Variants in SNX8 observed in about 807,000 individuals in gnomAD.
The protein encoded by SNX8 is sorting nexin 8.
Under a neutral mutation model 51.6 loss-of-function variants are expected in SNX8, and 25 were observed. The observed-to-expected ratio is 0.48, with a 90% CI of 0.35 to 0.68. The LOEUF is 0.68. Among genes scored for constraint, SNX8 ranks in the 30% least tolerant of loss-of-function variants. The pLI is 0.00. For synonymous variants in SNX8, 324 were observed against 277.0 expected (o/e 1.17, Z -1.68); for missense variants, 695 against 624.0 (o/e 1.11, Z -1.21).
intron 4 of SNX8, among the ~76,000 whole-genome samples, chr7:2,270,748 T>C (rs1461222665): frequency 6.6e-6 from 1 of 152,118 alleles, no homozygotes; most frequent in Non-Finnish European, 1.5e-5. Flanking sequence ...GGAAGGCCCC[T>C]CTGCCTCCGA....
At chr7:2,266,951 C>T (rs1795477909) in intron 5 of SNX8, among the ~76,000 whole-genome samples, 1 of 152,230 alleles carries the variant, frequency 6.6e-6, no homozygotes, top group Non-Finnish European at 1.5e-5. Flanking sequence ...CCCCAGAAAT[C>T]TGAAAAGGTG....
intron 1 of SNX8, among the ~76,000 whole-genome samples, chr7:2,352,376 G>A (rs1027201530): frequency 6.6e-6 from 1 of 152,026 alleles, no homozygotes; most frequent in African/African-American, 2.4e-5. Flanking sequence ...GGTCAATTAG[G>A]TTGGAAAATA....
intron 5 of SNX8, among the ~76,000 whole-genome samples, chr7:2,268,976 C>T (rs1795569997): frequency 7.2e-6 from 1 of 138,828 alleles, no homozygotes; most frequent in Non-Finnish European, 1.6e-5. Context: ...CCGGCCACCC[C>T]TACTGGGAAG....
chr7:2,346,517 GT>G, intron 1 of SNX8, among the ~76,000 whole-genome samples: 1 of 151,582 alleles, frequency 6.6e-6, no homozygotes, highest in African/African-American at 2.4e-5. Context: ...GGAGGCCGAG[GT>G]GGGAGGATCA....
intron 1 of SNX8, among the ~76,000 whole-genome samples, chr7:2,332,923 G>A (rs757562893): frequency 2.1e-5 from 3 of 142,076 alleles, no homozygotes; most frequent in Non-Finnish European, 3.2e-5. Context: ...AAAGAAAGGA[G>A]AGAGAGAGGG....
intron 1 of SNX8, among the ~76,000 whole-genome samples, chr7:2,297,305 C>T (rs1562444638): frequency 1.3e-5 from 2 of 151,744 alleles, no homozygotes; most frequent in Non-Finnish European, 2.9e-5. Context: ...AATCCCAGCA[C>T]TTTGGGAGGC....
chr7:2,345,053 T>C (rs949361699), intron 1 of SNX8, among the ~76,000 whole-genome samples: 3 of 152,184 alleles, frequency 2.0e-5, no homozygotes, highest in African/African-American at 7.2e-5. Context: ...AACTTGTTAA[T>C]GTCTAATAAA....
At chr7:2,300,285 G>A (rs1300119221) in intron 1 of SNX8, among the ~76,000 whole-genome samples, 1 of 152,194 alleles carries the variant, frequency 6.6e-6, no homozygotes, top group Non-Finnish European at 1.5e-5. Context: ...CAAAATTCAA[G>A]AAGTGATTTG....
At chr7:2,264,597 G>C in intron 5 of SNX8, 139 bp from the exon 6 acceptor site, 1 of 667,792 alleles carries the variant, frequency 1.5e-6, no homozygotes, top group Non-Finnish European at 2.5e-6. Flanking sequence ...CACTCCTCCA[G>C]GCCTGCAGGG....
At chr7:2,285,567 G>A (rs1796008980) in intron 1 of SNX8, among the ~76,000 whole-genome samples, 2 of 152,172 alleles carry the variant, frequency 1.3e-5, no homozygotes, top group Non-Finnish European at 2.9e-5. Context: ...AAATAGAGAT[G>A]CTTCTGTTAC....
intron 1 of SNX8, among the ~76,000 whole-genome samples, chr7:2,347,494 A>AAAG (rs1562465794): frequency 1.7e-5 from 2 of 116,398 alleles, no homozygotes; most frequent in Admixed American, 9.3e-5. Context: ...AAAAAAAAAA[A>AAAG]AAAAAGAAAA....
intron 1 of SNX8, among the ~76,000 whole-genome samples, chr7:2,324,676 A>C (rs968498303): frequency 1.3e-5 from 2 of 152,224 alleles, no homozygotes; most frequent in Non-Finnish European, 2.9e-5. Flanking sequence ...CAGGCAACCA[A>C]GACCAGAAAA....
intron 2 of SNX8, among the ~76,000 whole-genome samples, chr7:2,276,230 C>T (rs893143398): frequency 5.3e-5 from 8 of 152,274 alleles, no homozygotes; most frequent in African/African-American, 1.9e-4. Context: ...GTTGCCTCAC[C>T]CCCAGGCTGC....
In SNX8 at chr7:2,309,765, G is replaced by A. The variant is rs571238393; in HGVS notation, c.94+4563C>T. 952 of 466,350 alleles carry A rather than the reference G, an allele frequency of 2.0e-3. 10 individuals carry two copies. The highest frequency in any genetic ancestry group is 0.013 in the South Asian group (850 of 63,158). 28.9% of individuals were successfully genotyped at this position (466,350 alleles called of 1,614,324 possible). A position where few individuals can be genotyped will look rare whatever the true frequency, so the allele number is the denominator to read the frequency against. On this transcript the variant is annotated intron_variant, in intron 1 of 10. Coordinates refer to ENST00000222990, the MANE Select transcript of SNX8 (RefSeq NM_013321.4). Reference sequence around the variant, plus strand: ...AAAAGTATAAACTTTAAGTGACAGCGCAATGAATTCTGACCAACGTATTCA... The same window carrying A: ...AAAAGTATAAACTTTAAGTGACAGCACAATGAATTCTGACCAACGTATTCA...
chr7:2,304,460 C>T (rs908048818), intron 1 of SNX8, among the ~76,000 whole-genome samples: 1 of 151,824 alleles, frequency 6.6e-6, no homozygotes, highest in Non-Finnish European at 1.5e-5. Flanking sequence ...AGGAGAATGG[C>T]GTGAACCCGG....
chr7:2,330,771 G>C (rs1041798294), intron 1 of SNX8, among the ~76,000 whole-genome samples: 4 of 152,040 alleles, frequency 2.6e-5, no homozygotes, highest in Non-Finnish European at 5.9e-5. Flanking sequence ...TGACTGCTGT[G>C]GGGGAATGAG....
intron 1 of SNX8, among the ~76,000 whole-genome samples, chr7:2,338,564 G>T (rs1047782280): frequency 2.6e-5 from 4 of 152,080 alleles, no homozygotes; most frequent in African/African-American, 9.7e-5. Flanking sequence ...AACCCGGGAG[G>T]CTGAGGTCGC....
chr7:2,298,343 C>T (rs1796318440), intron 1 of SNX8, among the ~76,000 whole-genome samples: 1 of 151,920 alleles, frequency 6.6e-6, no homozygotes. Flanking sequence ...CTGAACTTTT[C>T]TTTTTCGTTT....
intron 1 of SNX8, among the ~76,000 whole-genome samples, chr7:2,325,596 G>A (rs183533130): frequency 1.3e-3 from 198 of 152,238 alleles, no homozygotes; most frequent in African/African-American, 4.5e-3. Context: ...GGGAGGCTGA[G>A]GTGGGCGGAT....
Sources: allele counts gnomAD v4.1 joint callset (sites outside exome capture counted in the v4.1 genomes callset), GRCh38; gene constraint gnomAD v4.1.1; transcripts MANE v1.5; gene names NCBI Gene and HGNC (gene_info 2026-07-23, HGNC 2026-07-21).